Variants in SLC29A4 observed in about 807,000 individuals in gnomAD.
The protein encoded by SLC29A4 is solute carrier family 29 member 4, also known as equilibrative nucleoside transporter 4.
In SLC29A4, 36 loss-of-function variants were observed where a neutral mutation model predicts 43.9. The observed-to-expected ratio is 0.82, with a 90% CI of 0.63 to 1.08. SLC29A4 has a LOEUF of 1.08. Among genes scored for constraint, SLC29A4 ranks in the 50% least tolerant of loss-of-function variants. SLC29A4 has a pLI of 0.00. For synonymous variants in SLC29A4, 491 were observed against 338.0 expected (o/e 1.45, Z -4.97); for missense variants, 869 against 755.3 (o/e 1.15, Z -1.77).
chr7:5,297,138 C>T lies in SLC29A4; in HGVS notation c.822C>T (p.Gly274=), dbSNP rs769686414. The part of the protein sequence containing the change: ...RPRDSHRGRP[G]LGRGYGYRVH... Reference sequence around the variant, plus strand: ...GTGACAGCCACCGGGGCAGGCCAGGCCTGGGCAGGGGCTATGGCTACCGCG... The same window carrying T: ...GTGACAGCCACCGGGGCAGGCCAGGTCTGGGCAGGGGCTATGGCTACCGCG... Residue 274 remains glycine, a synonymous_variant, in exon 7 of 11, where the codon GGC becomes GGT. Coordinates refer to ENST00000396872, the MANE Select transcript of SLC29A4 (RefSeq NM_153247.4). The T allele has an allele frequency of 3.7e-6, 6 of 1,605,122 alleles. No individual in the cohort carries two copies. The highest frequency in any genetic ancestry group is 4.2e-6 in the Non-Finnish European group (5 of 1,179,400).
chr7:5,293,468 C>T lies in SLC29A4; in HGVS notation c.545-1392C>T, dbSNP rs117275239. 3.1e-3 allele frequency among the ~76,000 whole-genome samples: 465 copies of T among 152,250 alleles called. 8 individuals are homozygous for T. The East Asian group carries it at 0.054, about 18-fold the overall frequency. On this transcript the variant is annotated intron_variant, in intron 5 of 10. Transcript: ENST00000396872. ...TACAGGCGTGAGCCACTATGCCTAG[C>T]CAGCTTGGTAGACTTTCAAACTCTT...
chr7:5,296,112 T>G (rs117172852), intron 6 of SLC29A4, among the ~76,000 whole-genome samples: 1 of 151,728 alleles, frequency 6.6e-6, no homozygotes, highest in East Asian at 1.9e-4. Context: ...CAGCAGCCCC[T>G]GGCCAGGAAC....
In SLC29A4 at chr7:5,297,072, G is replaced by A. The variant is rs770620222; in HGVS notation, c.756G>A (p.Val252=). Residue 252 remains valine (V), a synonymous_variant, in exon 7 of 11, where the codon GTG becomes GTA. Coordinates refer to ENST00000396872, the MANE Select transcript of SLC29A4 (RefSeq NM_153247.4). The part of the protein sequence containing the change: ...ELLCFLLHLL[V]RRSRFVLFYT... ...TGTGTTTCCTGCTGCACCTGTTAGT[G>A]CGGCGCAGCCGCTTCGTGCTCTTCT... is the stretch of plus-strand genomic sequence containing the variant. The A allele has an allele frequency of 1.2e-6, 2 of 1,607,940 alleles. No homozygotes were observed. Among genetic ancestry groups the A allele is most frequent in the Non-Finnish European group, 1.7e-6 (2 of 1,179,728 alleles).
At position 5,296,945 on chromosome 7, in the gene SLC29A4, G is replaced by C. The variant is rs1785721323; in HGVS notation, c.629G>C (p.Gly210Ala). The change falls in exon 7 of 11, where the codon GGC (glycine) becomes GCC (alanine). Residue 210 changes from glycine to alanine, a missense_variant. Transcript: ENST00000396872. ...TGTGCACGCCCCCCAGGCACGGCGG[G>C]CGTGATGATCTCTCTGAGCCGCATC... ...QGVMTGESTA[G>A]VMISLSRILT... 6.4e-7 allele frequency: 1 copy of C among 1,559,164 alleles called. No individual in the cohort carries two copies. The highest frequency in any genetic ancestry group is 8.7e-7 in the Non-Finnish European group (1 of 1,150,496).
At chr7:5,300,874 C>A (rs1169284250) in intron 10 of SLC29A4, among the ~76,000 whole-genome samples, 1 of 152,146 alleles carries the variant, frequency 6.6e-6, no homozygotes, top group Non-Finnish European at 1.5e-5. Context: ...TTGGTGAGCC[C>A]CTCCTGTGGA....
intron 2 of SLC29A4, among the ~76,000 whole-genome samples, chr7:5,288,864 C>G (rs1785129568): frequency 6.6e-6 from 1 of 152,130 alleles, no homozygotes; most frequent in Non-Finnish European, 1.5e-5. Context: ...TGGAGTCTGA[C>G]AGGCTCGGGT....
In SLC29A4 at chr7:5,298,107, G is replaced by C. The variant is rs113100324; in HGVS notation, c.883-881G>C. ...CCATTGGTCCTCGTTCCTGAGGGTC[G>C]GGAACCAGAATGGTCATGCAGGCCT... On this transcript the variant is annotated intron_variant, in intron 7 of 10. Coordinates refer to ENST00000396872, the MANE Select transcript of SLC29A4 (RefSeq NM_153247.4). 1.4e-3 allele frequency among the ~76,000 whole-genome samples: 210 copies of C among 152,284 alleles called. 2 individuals are homozygous for C. The highest frequency in any genetic ancestry group is 0.01 in the East Asian group (53 of 5,174).
chr7:5,289,589 G>A (rs1483872061), intron 2 of SLC29A4, among the ~76,000 whole-genome samples: 2 of 152,014 alleles, frequency 1.3e-5, no homozygotes, highest in African/African-American at 2.4e-5. Flanking sequence ...AAAGTTAATG[G>A]AGAAGGGACT....
In SLC29A4 at chr7:5,299,138, G is replaced by T; in HGVS notation, c.1021+12G>T. 2 of 1,606,690 alleles carry T rather than the reference G, an allele frequency of 1.2e-6. No individual in the cohort carries two copies. Among genetic ancestry groups the T allele is most frequent in the Non-Finnish European group, 1.7e-6 (2 of 1,176,196 alleles). ...GCCCACCTTCAGAGGTGAGTGCGGG[G>T]AGTCCTCTGCTGCCCTGGCTCTGGC... On this transcript the variant is annotated intron_variant, in intron 8 of 10. Coordinates refer to ENST00000396872, the MANE Select transcript of SLC29A4 (RefSeq NM_153247.4).
chr7:5,283,466 G>T (rs1784774537), intron 1 of SLC29A4, among the ~76,000 whole-genome samples: 1 of 152,138 alleles, frequency 6.6e-6, no homozygotes, highest in Non-Finnish European at 1.5e-5. Context: ...CGGGGCCTGG[G>T]CTCCGGGGTC....
intron 1 of SLC29A4, among the ~76,000 whole-genome samples, chr7:5,284,279 C>T (rs371481147): frequency 4.0e-5 from 6 of 151,888 alleles, no homozygotes; most frequent in African/African-American, 1.2e-4. Flanking sequence ...CCTGCCTTGC[C>T]CATAGCAGTG....
chr7:5,293,036 C>G (rs1007765721), intron 5 of SLC29A4, among the ~76,000 whole-genome samples: 3 of 151,274 alleles, frequency 2.0e-5, no homozygotes, highest in African/African-American at 7.3e-5. Flanking sequence ...TTTTTCTGAC[C>G]CAACATCCTC....
chr7:5,284,956 A>G lies in SLC29A4; in HGVS notation c.-9+1874A>G, dbSNP rs542774050. On this transcript the variant is annotated intron_variant, in intron 1 of 10. Transcript: ENST00000396872. Reference sequence around the variant, plus strand: ...GAAGCATCTTGGGGGCTCTTGCTGAACACAGACCAGGCCTTTCTGGGTTCA... The same window carrying G: ...GAAGCATCTTGGGGGCTCTTGCTGAGCACAGACCAGGCCTTTCTGGGTTCA... Among the ~76,000 whole-genome samples, 6 of 152,306 alleles carry G rather than the reference A, an allele frequency of 3.9e-5. No homozygotes were observed. The South Asian group carries it at 1.2e-3, about 32-fold the overall frequency.
rs1786429309 is a variant in SLC29A4, at chr7:5,305,375, C to G, written c.*2436C>G. 2 of 152,280 alleles carry G rather than the reference C, an allele frequency of 1.3e-5. No homozygotes were observed. Among genetic ancestry groups the G allele is most frequent in the African/African-American group, 4.8e-5 (2 of 41,460 alleles). 9.4% of individuals were successfully genotyped at this position (152,280 alleles called of 1,614,324 possible). A position where few individuals can be genotyped will look rare whatever the true frequency, so the allele number is the denominator to read the frequency against. On this transcript the variant is annotated 3_prime_UTR_variant, in exon 11 of 11. Coordinates refer to ENST00000396872, the MANE Select transcript of SLC29A4 (RefSeq NM_153247.4). ...CAAAGCCCCGAATGTCCTCTGCAGG[C>G]CACCCACACTAACCAGGTCAGTCAC...
At chr7:5,292,936 T>G (rs1443833623) in intron 5 of SLC29A4, among the ~76,000 whole-genome samples, 1 of 151,094 alleles carries the variant, frequency 6.6e-6, no homozygotes, top group Non-Finnish European at 1.5e-5. Flanking sequence ...TGACCTCAGG[T>G]GATCCGCCCA....
At chr7:5,285,140 A>G (rs1288651638) in intron 1 of SLC29A4, among the ~76,000 whole-genome samples, 10 of 151,972 alleles carry the variant, frequency 6.6e-5, no homozygotes, top group Non-Finnish European at 2.9e-5. Flanking sequence ...GCGCCTCCCA[A>G]CGACTCTTGA....
intron 6 of SLC29A4, among the ~76,000 whole-genome samples, chr7:5,296,001 G>A (rs540082873): frequency 2.0e-5 from 3 of 152,148 alleles, no homozygotes; most frequent in African/African-American, 7.2e-5. Context: ...GCATGGTCAC[G>A]CGAAGAAAAA....
Position 5,299,053 on chromosome 7 carries a change from C to G in SLC29A4, c.948C>G (p.Thr316=), listed in dbSNP as rs145143117. The G allele has an allele frequency of 7.2e-4, 1,153 of 1,611,884 alleles. 9 individuals are homozygous for G. The African/African-American group carries it at 0.014, about 19-fold the overall frequency. The change falls in exon 8 of 11, where the codon ACC becomes ACG. Residue 316 remains threonine (T), a synonymous_variant. Coordinates refer to ENST00000396872, the MANE Select transcript of SLC29A4 (RefSeq NM_153247.4). ...AGGACAGCCCAGCCCACGAGGTGACCGGCAGCGGCGGGGCCTACATGCGCT... is the reference window on the plus strand; with the variant it reads ...AGGACAGCCCAGCCCACGAGGTGACGGGCAGCGGCGGGGCCTACATGCGCT... ...SPKDSPAHEV[T]GSGGAYMRFD... is the part of the protein sequence containing the mutation.
intron 7 of SLC29A4, among the ~76,000 whole-genome samples, chr7:5,298,416 G>T (rs1304702949): frequency 6.6e-6 from 1 of 152,180 alleles, no homozygotes; most frequent in Non-Finnish European, 1.5e-5. Flanking sequence ...AGAGGTCATA[G>T]GGGACCAGAT....
Sources: allele counts gnomAD v4.1 joint callset (sites outside exome capture counted in the v4.1 genomes callset), GRCh38; gene constraint gnomAD v4.1.1; transcripts MANE v1.5; gene names NCBI Gene and HGNC (gene_info 2026-07-23, HGNC 2026-07-21).